Variants in CYTL1 observed in about 807,000 individuals in gnomAD.
The protein encoded by CYTL1 is cytokine-like protein 1.
A neutral mutation model predicts 13.1 loss-of-function variants in CYTL1; 17 were observed. The observed-to-expected ratio is 1.29, with a 90% confidence interval of 0.89 to 1.94. The LOEUF is 1.94. Ranked by LOEUF, CYTL1 falls within the 30% of genes most tolerant of loss-of-function variation. The pLI, the probability that CYTL1 is intolerant of heterozygous loss-of-function variation, is 0.00. For synonymous variants in CYTL1, 91 were observed against 79.4 expected (o/e 1.15, Z -0.78); for missense variants, 213 against 174.8 (o/e 1.22, Z -1.23).
chr4:5,015,899 T>C (rs926511364), intron 3 of CYTL1, among the ~76,000 whole-genome samples: 25 of 152,160 alleles, frequency 1.6e-4, no homozygotes, highest in South Asian at 4.1e-4. Context: ...CCTCATGAGA[T>C]GGGCACTACC....
At chr4:5,015,951 G>A (rs1288212719) in intron 3 of CYTL1, among the ~76,000 whole-genome samples, 1 of 152,190 alleles carries the variant, frequency 6.6e-6, no homozygotes, top group Non-Finnish European at 1.5e-5. Context: ...CCTCAGAGGA[G>A]TGAAGGGACA....
At position 5,017,354 on chromosome 4, in the gene CYTL1, G is replaced by A. The variant is rs926210979; in HGVS notation, c.154-175C>T. Among the ~76,000 whole-genome samples, 7 of 152,200 alleles carry A rather than the reference G, an allele frequency of 4.6e-5. No homozygotes were observed. In the East Asian group the frequency reaches 1.3e-3, roughly 29 times the overall value. On this transcript the variant is annotated intron_variant, in intron 1 of 3. Transcript: ENST00000307746. ...ACGTCACACTCCTCCAGAAATGGGCGACTGCGCTTCCGGAATTAGACTTTT... is the reference window on the plus strand; with the variant it reads ...ACGTCACACTCCTCCAGAAATGGGCAACTGCGCTTCCGGAATTAGACTTTT...
chr4:5,019,003 C>CTTTTTTTTTTT (rs1186542271), intron 1 of CYTL1, among the ~76,000 whole-genome samples: 42 of 89,612 alleles, frequency 4.7e-4, no homozygotes, highest in South Asian at 7.9e-4. Context: ...TTTCTTTTTT[C>CTTTTTTTTTTT]TTTTTTTTTT....
Position 5,019,365 on chromosome 4 carries a change from G to C in CYTL1, c.81C>G (p.Cys27Trp). ...GGCTCAGGGCCCGCATGCGGGAGTA[G>C]CAGGTCGGGGGAGTGGGCCGCGCGG... is the stretch of plus-strand genomic sequence containing the variant. ...APAARPTPPTCYSRMRALSQE... is the reference protein window; with the variant it reads ...APAARPTPPTWYSRMRALSQE... Residue 27 changes from cysteine (C) to tryptophan (W), a missense_variant, in exon 1 of 4, where the codon TGC (cysteine) becomes TGG (tryptophan). By Grantham distance (215) the Cys-to-Trp change is radical. Transcript: ENST00000307746. 1 of 1,515,094 alleles carries C rather than the reference G, an allele frequency of 6.6e-7. No homozygotes were observed. Among genetic ancestry groups the C allele is most frequent in the Non-Finnish European group, 8.8e-7 (1 of 1,139,144 alleles). 93.9% of individuals were successfully genotyped at this position (1,515,094 alleles called of 1,614,324 possible).
At chr4:5,015,318 C>T (rs1467545083) in intron 3 of CYTL1, 84 bp from the exon 4 acceptor site, 1 of 1,038,320 alleles carries the variant, frequency 9.6e-7, no homozygotes, top group Non-Finnish European at 1.5e-6. Flanking sequence ...TGGTTATCCT[C>T]AAAGGCCATT....
chr4:5,015,229 CA>C lies in CYTL1; in HGVS notation c.332del (p.Leu111TrpfsTer17). On this transcript the variant is annotated frameshift_variant, in exon 4 of 4. Transcript: ENST00000307746. LOFTEE classifies it low-confidence loss of function (END_TRUNC). ...TIMNSFCRRD[L>X]VFLLDDCNAL... is the part of the protein sequence containing the mutation. ...CATTGCAGTCATCCAACAGGAATAC[CA>C]AATCCTGAAAAAGATGTGCAATGAG... The C allele has an allele frequency of 1.2e-6, 2 of 1,612,152 alleles. No homozygotes were observed. The highest frequency in any genetic ancestry group is 1.7e-6 in the Non-Finnish European group (2 of 1,179,030).
At chr4:5,015,258 G>A (rs1212887646) in intron 3 of CYTL1, 24 bp from the exon 4 acceptor site, 1 of 1,596,390 alleles carries the variant, frequency 6.3e-7, no homozygotes, top group East Asian at 2.2e-5. Context: ...GCAATGAGCA[G>A]GAAAGTTACT....
rs772122106 is a variant in CYTL1, at chr4:5,016,843, C to T, written c.320G>A (p.Cys107Tyr). The stretch of plus-strand genomic sequence containing the variant: ...TCAATGGCATCCACTTACTCTCCTG[C>T]AGAACGAGTTCATGATGGTGTACAG... ...RKLYTIMNSF[C>Y]RRDLVFLLDD... The change falls in exon 3 of 4, where the codon TGC (cysteine) becomes TAC (tyrosine). Residue 107 changes from cysteine to tyrosine, a missense_variant. Transcript: ENST00000307746. 2 of 1,614,072 alleles carry T rather than the reference C, an allele frequency of 1.2e-6. No individual in the cohort carries two copies. Among genetic ancestry groups the T allele is most frequent in the Non-Finnish European group, 1.7e-6 (2 of 1,180,038 alleles).
chr4:5,018,258 G>A (rs912552280), intron 1 of CYTL1, among the ~76,000 whole-genome samples: 1 of 152,132 alleles, frequency 6.6e-6, no homozygotes, highest in Non-Finnish European at 1.5e-5. Flanking sequence ...TAGACAGAAA[G>A]CTGAAATATG....
chr4:5,019,022 T>TTG (rs1003411922), intron 1 of CYTL1, among the ~76,000 whole-genome samples: 9 of 148,030 alleles, frequency 6.1e-5, no homozygotes, highest in Non-Finnish European at 6.0e-5. Flanking sequence ...TTTTTTTTTT[T>TTG]TTTTTACATT....
At chr4:5,017,214 C>A (rs770478225) in intron 1 of CYTL1, 35 bp from the exon 2 acceptor site, 25 of 1,606,024 alleles carry the variant, frequency 1.6e-5, no homozygotes, top group Admixed American at 3.4e-5. Flanking sequence ...GGGATGCCCA[C>A]AGGGGCATAC....
Position 5,014,972 on chromosome 4 carries a change from T to TTAAAAAA in CYTL1, c.*178_*179insTTTTTTA. ...ATGAGAAGCATGGTTGCTAACTCTA[T>TTAAAAAA]GCTCAAAGGAGGTTCCTGGGTAGGA... On this transcript the variant is annotated 3_prime_UTR_variant, in exon 4 of 4. Transcript: ENST00000307746. 1 of 631,086 alleles carries TTAAAAAA rather than the reference T, an allele frequency of 1.6e-6. No homozygotes were observed. The highest frequency in any genetic ancestry group is 2.8e-5 in the Admixed American group (1 of 35,986). 39.1% of individuals were successfully genotyped at this position (631,086 alleles called of 1,614,324 possible).
chr4:5,017,250 C>A, intron 1 of CYTL1, 71 bp from the exon 2 acceptor site: 1 of 1,500,350 alleles, frequency 6.7e-7, no homozygotes. Context: ...TCCCTAGTGG[C>A]CCTCTCAACA....
At position 5,019,416 on chromosome 4, in the gene CYTL1, C is replaced by G; in HGVS notation, c.30G>C (p.Leu10=). Residue 10 remains leucine, a synonymous_variant, in exon 1 of 4, where the codon CTG becomes CTC. Coordinates refer to ENST00000307746, the MANE Select transcript of CYTL1 (RefSeq NM_018659.3). MRTPGPLPV[L]LLLLAGAPAA... is the part of the protein sequence containing the mutation. ...CGGGGGCTCCCGCCAGGAGCAGCAG[C>G]AGCACGGGCAGAGGCCCAGGCGTCC... 6.7e-7 allele frequency: 1 copy of G among 1,484,884 alleles called. No homozygotes were observed. Among genetic ancestry groups the G allele is most frequent in the Non-Finnish European group, 8.9e-7 (1 of 1,126,036 alleles). 92.0% of individuals were successfully genotyped at this position (1,484,884 alleles called of 1,614,324 possible). A position where few individuals can be genotyped will look rare whatever the true frequency, so the allele number is the denominator to read the frequency against.
In CYTL1 at chr4:5,016,830, A is replaced by G; in HGVS notation, c.327+6T>C. The G allele has an allele frequency of 6.2e-7, 1 of 1,614,132 alleles. No homozygotes were observed. The highest frequency in any genetic ancestry group is 2.2e-5 in the East Asian group (1 of 44,884). On this transcript the variant is annotated splice_donor_region_variant and intron_variant, in intron 3 of 3. Transcript: ENST00000307746. ...AGAAAATAGACTTTCAATGGCATCC[A>G]CTTACTCTCCTGCAGAACGAGTTCA... is the stretch of plus-strand genomic sequence containing the variant.
At chr4:5,015,358 C>A in intron 3 of CYTL1, 124 bp from the exon 4 acceptor site, 1 of 699,970 alleles carries the variant, frequency 1.4e-6, no homozygotes, top group Non-Finnish European at 2.5e-6. Flanking sequence ...AAAAACTTCC[C>A]ATGCCTTACT....
At chr4:5,019,065 T>A (rs1324883898) in intron 1 of CYTL1, among the ~76,000 whole-genome samples, 1 of 148,462 alleles carries the variant, frequency 6.7e-6, no homozygotes, top group Non-Finnish European at 1.5e-5. Context: ...TGCTAGTAAG[T>A]CACAAAAATT....
chr4:5,016,839 C>T lies in CYTL1; in HGVS notation c.324G>A (p.Arg108=). The T allele has an allele frequency of 6.2e-7, 1 of 1,614,186 alleles. No individual in the cohort carries two copies. Among genetic ancestry groups the T allele is most frequent in the Non-Finnish European group, 8.5e-7 (1 of 1,180,020 alleles). Residue 108 remains arginine (R), a synonymous_variant, in exon 3 of 4, where the codon AGG becomes AGA. Coordinates refer to ENST00000307746, the MANE Select transcript of CYTL1 (RefSeq NM_018659.3). ...ACTTTCAATGGCATCCACTTACTCT[C>T]CTGCAGAACGAGTTCATGATGGTGT... The part of the protein sequence containing the change: ...KLYTIMNSFC[R]RDLVFLLDDC...
At chr4:5,016,241 G>A (rs1741069327) in intron 3 of CYTL1, among the ~76,000 whole-genome samples, 1 of 152,126 alleles carries the variant, frequency 6.6e-6, no homozygotes, top group Non-Finnish European at 1.5e-5. Context: ...CCAGCACCAT[G>A]CTCTTAGACT....
Sources: allele counts gnomAD v4.1 joint callset (sites outside exome capture counted in the v4.1 genomes callset), GRCh38; gene constraint gnomAD v4.1.1; transcripts MANE v1.5; gene names NCBI Gene and HGNC (gene_info 2026-07-23, HGNC 2026-07-21).